Variants in NFATC2 observed in about 807,000 individuals in gnomAD.
NFATC2 encodes the protein nuclear factor of activated T cells 2, also known as nuclear factor of activated T-cells, cytoplasmic 2.
Under a neutral mutation model 87.3 loss-of-function variants are expected in NFATC2, and 22 were observed. The ratio of observed to expected loss-of-function variants is 0.25; its 90% CI spans 0.18 to 0.36. The LOEUF is 0.36. Ranked by LOEUF, NFATC2 falls within the 10% of genes least tolerant of loss-of-function variation. The pLI, the probability that NFATC2 is intolerant of heterozygous loss-of-function variation, is 1.00. For missense variants in NFATC2, 1,149 were observed against 1,259.1 expected, an observed-to-expected ratio of 0.91 and a Z score of 1.32; for synonymous variants, 565 against 542.2, an observed-to-expected ratio of 1.04 and a Z score of -0.58.
chr20:51,557,764 C>G (rs1216111622), intron 1 of NFATC2, among the ~76,000 whole-genome samples: 1 of 152,194 alleles, frequency 6.6e-6, no homozygotes, highest in African/African-American at 2.4e-5. Context: ...CTAACTCATT[C>G]ATTCATCCAT....
intron 3 of NFATC2, among the ~76,000 whole-genome samples, chr20:51,498,086 T>C (rs866682632): frequency 3.3e-5 from 5 of 152,342 alleles, no homozygotes; most frequent in Middle Eastern, 6.8e-3. Context: ...GCCCAATTCA[T>C]GTTGGCCACA....
intron 9 of NFATC2, among the ~76,000 whole-genome samples, chr20:51,407,405 C>T (rs911577271): frequency 2.6e-5 from 4 of 152,202 alleles, no homozygotes; most frequent in Non-Finnish European, 4.4e-5. Flanking sequence ...CAGCAGTGAG[C>T]AATAAACGGC....
intron 1 of NFATC2, among the ~76,000 whole-genome samples, chr20:51,528,795 T>C (rs1043918485): frequency 6.6e-6 from 1 of 152,242 alleles, no homozygotes; most frequent in African/African-American, 2.4e-5. Flanking sequence ...AGTGCAGTCC[T>C]GCTCCGCCAC....
intron 6 of NFATC2, among the ~76,000 whole-genome samples, chr20:51,440,236 C>CTAAAAAA (rs1984142580): frequency 1.0e-5 from 1 of 97,228 alleles, no homozygotes; most frequent in Non-Finnish European, 1.9e-5. Flanking sequence ...AACTCCATCT[C>CTAAAAAA]AAAAAAAAAA....
At chr20:51,481,421 C>T (rs904643046) in intron 3 of NFATC2, among the ~76,000 whole-genome samples, 1 of 152,142 alleles carries the variant, frequency 6.6e-6, no homozygotes, top group Non-Finnish European at 1.5e-5. Flanking sequence ...ACAGCAGACA[C>T]ATTCTGCAAT....
At chr20:51,528,544 C>A (rs1314593170) in intron 1 of NFATC2, among the ~76,000 whole-genome samples, 1 of 152,140 alleles carries the variant, frequency 6.6e-6, no homozygotes, top group South Asian at 2.1e-4. Flanking sequence ...ACACGCACAG[C>A]TGAAGGATGC....
At position 51,562,542 on chromosome 20, in the gene NFATC2, G is replaced by T. The variant is rs2077041881; in HGVS notation, c.70+18C>A. On this transcript the variant is annotated intron_variant, in intron 1 of 10. Transcript: ENST00000414705. This position sits in a 1 kb window ranked among gnomAD's most constrained non-coding sequence, Gnocchi z 5.8. ...AGGAGCGAGCGGAAAAGGCTGGAAG[G>T]GATCGAGAGTCAGTTACCTTGGTCC... The T allele has an allele frequency of 1.9e-6, 3 of 1,547,716 alleles. No homozygotes were observed. The highest frequency in any genetic ancestry group is 2.6e-6 in the Non-Finnish European group (3 of 1,143,728).
intron 9 of NFATC2, among the ~76,000 whole-genome samples, chr20:51,428,182 C>T (rs1267100344): frequency 6.6e-6 from 1 of 152,000 alleles, no homozygotes; most frequent in Non-Finnish European, 1.5e-5. Context: ...AGAATGAGGT[C>T]CCAGAAGCAG....
chr20:51,466,275 A>G (rs1235629248), intron 5 of NFATC2, among the ~76,000 whole-genome samples: 1 of 151,638 alleles, frequency 6.6e-6, no homozygotes, highest in Non-Finnish European at 1.5e-5. Flanking sequence ...CTGGTCTCGA[A>G]CTCCTGACCT....
intron 3 of NFATC2, among the ~76,000 whole-genome samples, chr20:51,501,990 G>A (rs534092690): frequency 4.6e-5 from 7 of 152,312 alleles, no homozygotes; most frequent in African/African-American, 1.4e-4. Flanking sequence ...CAAAAAGCAG[G>A]TGATGCGCCG....
chr20:51,560,167 C>T (rs879684373), intron 1 of NFATC2, among the ~76,000 whole-genome samples: 7 of 152,172 alleles, frequency 4.6e-5, no homozygotes, highest in African/African-American at 7.2e-5. Flanking sequence ...ACACCATTTT[C>T]GGTGCCTTAT....
chr20:51,542,756 G>GT (rs2076844986), upstream of NFATC2: 2 of 210,488 alleles, frequency 9.5e-6, 1 homozygote, highest in Non-Finnish European at 1.3e-5. Context: ...AGGCGGGGGG[G>GT]GGGGGGGCGT....
chr20:51,451,732 A>G (rs755652548), intron 6 of NFATC2, among the ~76,000 whole-genome samples: 1 of 152,176 alleles, frequency 6.6e-6, no homozygotes, highest in Admixed American at 6.5e-5. Flanking sequence ...ACATTCTCAC[A>G]GGAGCATGAA....
chr20:51,450,919 C>T (rs79741420), intron 6 of NFATC2, among the ~76,000 whole-genome samples: 6 of 152,170 alleles, frequency 3.9e-5, no homozygotes, highest in Admixed American at 3.3e-4. Flanking sequence ...AGAATAAATG[C>T]CATTCACTCA....
At chr20:51,471,863 C>A (rs755202095) in intron 5 of NFATC2, among the ~76,000 whole-genome samples, 19 of 152,164 alleles carry the variant, frequency 1.2e-4, no homozygotes, top group Non-Finnish European at 2.6e-4. Flanking sequence ...TTTTTAAAAA[C>A]CAGAAGATTT....
chr20:51,421,073 T>TA lies in NFATC2; in HGVS notation c.2722+10993dup, dbSNP rs5841842. 4.0e-3 allele frequency among the ~76,000 whole-genome samples: 525 copies of TA among 130,286 alleles called. 5 individuals are homozygous for TA. The highest frequency in any genetic ancestry group is 0.012 in the South Asian group (49 of 4,054). 85.5% of individuals were successfully genotyped at this position (130,286 alleles called of 152,430 possible). A position where few individuals can be genotyped will look rare whatever the true frequency, so the allele number is the denominator to read the frequency against. ...GGCAACATAGCAAGACCCTATGTCT[T>TA]AAAAAAAAAAAAAAACAAAAAAAAC... On this transcript the variant is annotated intron_variant, in intron 9 of 10. Coordinates refer to ENST00000371564, the MANE Select transcript of NFATC2 (RefSeq NM_012340.5).
At chr20:51,478,411 T>C (rs1046241795) in intron 3 of NFATC2, among the ~76,000 whole-genome samples, 5 of 152,156 alleles carry the variant, frequency 3.3e-5, no homozygotes, top group African/African-American at 1.2e-4. Flanking sequence ...TGTGGAGCTG[T>C]TTCCTCCTCA....
chr20:51,468,487 G>A (rs6067791), intron 5 of NFATC2, among the ~76,000 whole-genome samples: 4 of 152,218 alleles, frequency 2.6e-5, no homozygotes, highest in South Asian at 2.1e-4. Flanking sequence ...ATTGCTTTAC[G>A]TGTTTTCTGA....
intron 1 of NFATC2, among the ~76,000 whole-genome samples, chr20:51,561,489 AAGCAAGCAAGCAAGCAAGCAAGC>A (rs2077030998): frequency 5.0e-4 from 44 of 87,548 alleles, no homozygotes; most frequent in African/African-American, 1.2e-3. Context: ...GAAAGAAAGC[AAGCAAGCAAGCAAGCAAGCAAGC>A]AAGCAAGCAA....
Sources: gnomAD v4.1 joint callset for allele counts (sites outside exome capture counted in the v4.1 genomes callset) on GRCh38, gnomAD v4.1.1 for gene constraint, Gnocchi (gnomAD v3.1) non-coding constraint, MANE v1.5 for transcripts, NCBI Gene and HGNC (gene_info 2026-07-23, HGNC 2026-07-21) for gene names.